Variants in SACS observed in about 807,000 individuals in gnomAD.
SACS encodes sacsin molecular chaperone.
A neutral mutation model predicts 348.0 loss-of-function variants in SACS; 197 were observed. That is an observed-to-expected ratio of 0.57 (90% CI 0.50 to 0.64). SACS has a LOEUF of 0.64. Ranked by LOEUF, SACS falls within the 30% of genes least tolerant of loss-of-function variation. The probability of loss-of-function intolerance (pLI) is 0.00; values close to 1 mark genes in which losing one functional copy is unlikely to be tolerated. For synonymous variants in SACS, 1,985 were observed against 1,910.6 expected, an observed-to-expected ratio of 1.04 and a Z score of -1.02; for missense variants, 4,999 against 5,360.8, an observed-to-expected ratio of 0.93 and a Z score of 2.11.
intron 9 of SACS, chr13:23,346,922 A>T: frequency 2.6e-6 from 1 of 390,752 alleles, no homozygotes; most frequent in African/African-American, 2.2e-5. Flanking sequence ...CTGTATCTTA[A>T]GATACTGCTG....
chr13:23,417,387 T>G (rs187626802), intron 1 of SACS, among the ~76,000 whole-genome samples: 44 of 152,298 alleles, frequency 2.9e-4, no homozygotes, highest in Middle Eastern at 6.8e-3. Flanking sequence ...CTAGAAGATA[T>G]TAAGCTTTAA....
At chr13:23,364,935 C>T (rs533659203) in intron 6 of SACS, among the ~76,000 whole-genome samples, 386 of 152,276 alleles carry the variant, frequency 2.5e-3, no homozygotes, top group Non-Finnish European at 4.0e-3. Flanking sequence ...AGGCTTTGGT[C>T]ATTACATTGC....
In SACS at chr13:23,433,644, C is replaced by T. The variant is rs73154650; in HGVS notation, c.-531G>A. Reference sequence around the variant, plus strand: ...GGCTGTGGGCATCAGGGTCTCTCGGCCTTTGTTTTCCTCCAGTGCCATCAG... The same window carrying T: ...GGCTGTGGGCATCAGGGTCTCTCGGTCTTTGTTTTCCTCCAGTGCCATCAG... On this transcript the variant is annotated 5_prime_UTR_variant, in exon 1 of 10. Coordinates refer to ENST00000382292, the MANE Select transcript of SACS (RefSeq NM_014363.6). 0.03 allele frequency: 4,555 copies of T among 152,476 alleles called. 79 individuals are homozygous for T. The highest frequency in any genetic ancestry group is 0.091 in the Middle Eastern group (27 of 296). The allele number at this position is 152,476 out of a possible 1,614,324, so 9.4% of individuals were successfully genotyped here.
At position 23,336,369 on chromosome 13, in the gene SACS, G is replaced by A. The variant is rs1868595988; in HGVS notation, c.7507C>T (p.His2503Tyr). 6.2e-7 allele frequency: 1 copy of A among 1,613,982 alleles called. No homozygotes were observed. Among genetic ancestry groups the A allele is most frequent in the African/African-American group, 1.3e-5 (1 of 74,928 alleles). The change falls in exon 10 of 10, where the codon CAC becomes TAC. Residue 2503 changes from histidine (H) to tyrosine (Y), a missense_variant. His to Tyr is a moderately conservative substitution (Grantham distance 83). Transcript: ENST00000382292. ...GATGCATATCTTTCTAAGGCTTTGT[G>A]TCGCTTTGGGACTGCTCCTAGTTTT... ...AVKLGAVPKR[H>Y]KALERYASNV...
At chr13:23,433,188 T>G (rs1464522685) in intron 1 of SACS, among the ~76,000 whole-genome samples, 1 of 152,180 alleles carries the variant, frequency 6.6e-6, no homozygotes, top group Non-Finnish European at 1.5e-5. Context: ...TATTGTTCAA[T>G]AAGACTCTGG....
At chr13:23,420,877 A>G (rs572871738) in intron 1 of SACS, among the ~76,000 whole-genome samples, 5 of 152,082 alleles carry the variant, frequency 3.3e-5, no homozygotes, top group Admixed American at 6.5e-5. Context: ...ATTGTCCATC[A>G]GGGACCTGTT....
chr13:23,404,331 A>T (rs1013325880), intron 2 of SACS, among the ~76,000 whole-genome samples: 6 of 152,228 alleles, frequency 3.9e-5, no homozygotes, highest in Non-Finnish European at 8.8e-5. Flanking sequence ...CCACGTGATT[A>T]TCTCAATAGA....
chr13:23,385,906 G>A (rs1360303776), intron 2 of SACS, among the ~76,000 whole-genome samples: 5 of 152,188 alleles, frequency 3.3e-5, no homozygotes, highest in Admixed American at 1.3e-4. Context: ...GCTCTTGGGC[G>A]ACCAGGTGCA....
At position 23,336,007 on chromosome 13, in the gene SACS, T is replaced by A; in HGVS notation, c.7869A>T (p.Gly2623=). ...EGNPYKTGQY[G]IGFNSVYHIT... ...TATGATACACAGAATTGAATCCTAT[T>A]CCATACTGTCCAGTTTTATAAGGAT... Residue 2623 remains glycine, a synonymous_variant, in exon 10 of 10, where the codon GGA becomes GGT. Coordinates refer to ENST00000382292, the MANE Select transcript of SACS (RefSeq NM_014363.6). 2 of 1,613,146 alleles carry A rather than the reference T, an allele frequency of 1.2e-6. No individual in the cohort carries two copies. Among genetic ancestry groups the A allele is most frequent in the Non-Finnish European group, 1.7e-6 (2 of 1,179,170 alleles).
At chr13:23,424,710 C>T (rs1049090945) in intron 1 of SACS, among the ~76,000 whole-genome samples, 1 of 152,116 alleles carries the variant, frequency 6.6e-6, no homozygotes, top group African/African-American at 2.4e-5. Context: ...TCAGATATGA[C>T]ATTTCAGGGG....
chr13:23,423,710 AT>A (rs1281092847), intron 1 of SACS, among the ~76,000 whole-genome samples: 1 of 152,230 alleles, frequency 6.6e-6, no homozygotes, highest in Non-Finnish European at 1.5e-5. Context: ...GTGGAATCTA[AT>A]TAATGAGATT....
intron 9 of SACS, among the ~76,000 whole-genome samples, chr13:23,346,652 T>C (rs1869627596): frequency 6.6e-6 from 1 of 152,216 alleles, no homozygotes; most frequent in African/African-American, 2.4e-5. Context: ...TCTGTATTAG[T>C]ATGGTTTCCT....
At chr13:23,412,131 C>T (rs112638445) in intron 1 of SACS, among the ~76,000 whole-genome samples, 1 of 151,948 alleles carries the variant, frequency 6.6e-6, no homozygotes, top group Non-Finnish European at 1.5e-5. Flanking sequence ...TGGTGGCGGG[C>T]GCCTGTAGTC....
At chr13:23,356,381 CAT>C (rs1462074620) in intron 7 of SACS, among the ~76,000 whole-genome samples, 1 of 152,206 alleles carries the variant, frequency 6.6e-6, no homozygotes, top group Non-Finnish European at 1.5e-5. Context: ...ACAAATTCAG[CAT>C]AGACTCTGTA....
At chr13:23,388,036 G>A (rs943667726) in intron 2 of SACS, among the ~76,000 whole-genome samples, 2 of 152,174 alleles carry the variant, frequency 1.3e-5, no homozygotes, top group Non-Finnish European at 2.9e-5. Context: ...AAAACAGTAT[G>A]GAGATTCTTT....
chr13:23,415,613 A>G (rs941499655), intron 1 of SACS, among the ~76,000 whole-genome samples: 5 of 152,130 alleles, frequency 3.3e-5, no homozygotes, highest in Non-Finnish European at 7.4e-5. Flanking sequence ...TTTGTTTTTC[A>G]TTTTTGAGCT....
intron 1 of SACS, among the ~76,000 whole-genome samples, chr13:23,425,397 A>C (rs11619661): frequency 0.097 from 14,748 of 152,038 alleles, 1,071 homozygotes; most frequent in East Asian, 0.33. Context: ...CCAAACTGGG[A>C]CCTGATGTTT....
At position 23,330,018 on chromosome 13, in the gene SACS, A is replaced by G; in HGVS notation, c.*118T>C. The G allele has an allele frequency of 1.1e-6, 1 of 918,658 alleles. No individual in the cohort carries two copies. 56.9% of individuals were successfully genotyped at this position (918,658 alleles called of 1,614,324 possible). A position where few individuals can be genotyped will look rare whatever the true frequency, so the allele number is the denominator to read the frequency against. On this transcript the variant is annotated 3_prime_UTR_variant, in exon 10 of 10. Coordinates refer to ENST00000382292, the MANE Select transcript of SACS (RefSeq NM_014363.6). ...CATAACAACTCCAGAATTCTCCAAG[A>G]ACAATCTGCAATGTGCTTAACAATT...
chr13:23,369,961 C>T (rs1042529521), intron 4 of SACS, among the ~76,000 whole-genome samples: 2 of 151,760 alleles, frequency 1.3e-5, no homozygotes, highest in African/African-American at 2.4e-5. Flanking sequence ...CAGGTTCAAG[C>T]GATTCTTCTG....
Sources: gnomAD v4.1 joint callset for allele counts (sites outside exome capture counted in the v4.1 genomes callset) on GRCh38, gnomAD v4.1.1 for gene constraint, MANE v1.5 for transcripts, NCBI Gene and HGNC (gene_info 2026-07-23, HGNC 2026-07-21) for gene names.